TRAPPC8: variants seen among roughly 807,000 people sequenced by gnomAD.
The protein encoded by TRAPPC8 is general sporulation gene 1 homolog.
A neutral mutation model predicts 174.3 loss-of-function variants in TRAPPC8; 54 were observed. The ratio of observed to expected loss-of-function variants is 0.31; its 90% CI spans 0.25 to 0.39. The LOEUF (loss-of-function observed/expected upper bound fraction) is 0.39. TRAPPC8 is among the 10% of genes least tolerant of loss of function. TRAPPC8 has a pLI of 1.00. For synonymous variants in TRAPPC8, 630 were observed against 579.9 expected (o/e 1.09, Z -1.24); for missense variants, 1,531 against 1,699.1 (o/e 0.90, Z 1.74).
At chr18:31,897,617 C>G (rs2036236572) in intron 11 of TRAPPC8, among the ~76,000 whole-genome samples, 169 bp downstream of exon 11, 1 of 151,914 alleles carries the variant, frequency 6.6e-6, no homozygotes, top group Non-Finnish European at 1.5e-5. Flanking sequence ...TAAAAAATTA[C>G]ATTTAAAATT....
chr18:31,843,284 T>G (rs2033205625), intron 26 of TRAPPC8, among the ~76,000 whole-genome samples: 1 of 152,198 alleles, frequency 6.6e-6, no homozygotes, highest in Non-Finnish European at 1.5e-5. Context: ...TTTTTCTTTT[T>G]CGGTTAAAAT....
intron 27 of TRAPPC8, among the ~76,000 whole-genome samples, chr18:31,835,266 G>A (rs745911082): frequency 2.0e-5 from 3 of 152,026 alleles, no homozygotes; most frequent in Non-Finnish European, 4.4e-5. Flanking sequence ...CTGCTGTATC[G>A]GTCAAGCAGA....
intron 2 of TRAPPC8, among the ~76,000 whole-genome samples, chr18:31,918,156 T>C (rs545010702): frequency 1.3e-5 from 2 of 152,114 alleles, no homozygotes; most frequent in Admixed American, 6.5e-5. Flanking sequence ...AAACTGAGTA[T>C]ATATGTACAC....
intron 9 of TRAPPC8, among the ~76,000 whole-genome samples, chr18:31,905,844 G>C (rs1163165790): frequency 1.3e-5 from 2 of 152,038 alleles, no homozygotes; most frequent in Non-Finnish European, 2.9e-5. Flanking sequence ...TGGCTTAAAT[G>C]TAGTTTTTAT....
intron 2 of TRAPPC8, among the ~76,000 whole-genome samples, chr18:31,923,810 C>T (rs1314252094): frequency 1.3e-5 from 2 of 151,568 alleles, no homozygotes; most frequent in African/African-American, 2.4e-5. Flanking sequence ...CCCAGGAGTT[C>T]GAGACCACTC....
chr18:31,855,266 G>A (rs1321000012), intron 21 of TRAPPC8, among the ~76,000 whole-genome samples: 3 of 152,120 alleles, frequency 2.0e-5, no homozygotes, highest in Non-Finnish European at 4.4e-5. Flanking sequence ...CTATATAAAG[G>A]AAATGGCACT....
intron 1 of TRAPPC8, chr18:31,939,671 A>C (rs1457954891): frequency 1.3e-5 from 2 of 152,268 alleles, no homozygotes; most frequent in Non-Finnish European, 2.9e-5. Flanking sequence ...CCTGGGCAAC[A>C]AGGAGAAACC....
At chr18:31,864,003 TTA>T (rs2034461453) in intron 19 of TRAPPC8, among the ~76,000 whole-genome samples, 1 of 147,462 alleles carries the variant, frequency 6.8e-6, no homozygotes, top group Admixed American at 6.8e-5. Context: ...TTATAATACT[TTA>T]TTATAATATG....
intron 2 of TRAPPC8, among the ~76,000 whole-genome samples, chr18:31,928,403 T>C (rs2037715639): frequency 6.6e-6 from 1 of 151,280 alleles, no homozygotes; most frequent in African/African-American, 2.4e-5. Context: ...ACACCTATAG[T>C]CCCACCTACT....
At chr18:31,881,986 C>T (rs2035478268) in intron 12 of TRAPPC8, among the ~76,000 whole-genome samples, 1 of 152,024 alleles carries the variant, frequency 6.6e-6, no homozygotes. Flanking sequence ...GAAAACAGAA[C>T]AGTTATACAC....
intron 2 of TRAPPC8, among the ~76,000 whole-genome samples, chr18:31,928,775 T>C (rs879689180): frequency 6.6e-6 from 1 of 152,156 alleles, no homozygotes; most frequent in Admixed American, 6.6e-5. Flanking sequence ...TCTCTGCATC[T>C]CAATACAAAG....
chr18:31,840,218 G>A (rs1392872542), intron 26 of TRAPPC8, among the ~76,000 whole-genome samples: 3 of 152,022 alleles, frequency 2.0e-5, no homozygotes, highest in Admixed American at 6.6e-5. Context: ...TTAGCCAGGC[G>A]TGGTGGTACA....
At chr18:31,925,481 T>C (rs1368431478) in intron 2 of TRAPPC8, among the ~76,000 whole-genome samples, 1 of 151,650 alleles carries the variant, frequency 6.6e-6, no homozygotes, top group African/African-American at 2.4e-5. Flanking sequence ...AAGACAGAGA[T>C]AGACAATTTT....
rs2032330599 is a variant in TRAPPC8, at chr18:31,831,006, A to T, written c.4074-17T>A. On this transcript the variant is annotated splice_polypyrimidine_tract_variant and intron_variant, in intron 28 of 28. Coordinates refer to ENST00000283351, the MANE Select transcript of TRAPPC8 (RefSeq NM_014939.5). ...GCTTCTGGACTAAGGGAGGAGGAAA[A>T]TGTAAGTTGCAGGATTTTTTTCTTT... The T allele has an allele frequency of 1.3e-6, 2 of 1,580,862 alleles. No individual in the cohort carries two copies. The highest frequency in any genetic ancestry group is 1.8e-5 in the Admixed American group (1 of 54,982).
intron 2 of TRAPPC8, among the ~76,000 whole-genome samples, chr18:31,918,564 C>A (rs975224809): frequency 6.6e-6 from 1 of 152,104 alleles, no homozygotes; most frequent in Admixed American, 6.6e-5. Flanking sequence ...CAAGACAAGA[C>A]AAGACAAGAC....
chr18:31,835,924 A>G (rs1045566708), intron 27 of TRAPPC8, among the ~76,000 whole-genome samples: 1 of 152,170 alleles, frequency 6.6e-6, no homozygotes, highest in Non-Finnish European at 1.5e-5. Context: ...ACTGGGCCCA[A>G]AATATATGTG....
At chr18:31,929,858 TTGC>T (rs1251007189) in intron 2 of TRAPPC8, among the ~76,000 whole-genome samples, 1 of 152,194 alleles carries the variant, frequency 6.6e-6, no homozygotes, top group Non-Finnish European at 1.5e-5. Flanking sequence ...ACCCAAATTT[TTGC>T]TTCATATTGA....
At chr18:31,941,189 TC>T (rs2038323343) in intron 1 of TRAPPC8, among the ~76,000 whole-genome samples, 2 of 152,304 alleles carry the variant, frequency 1.3e-5, no homozygotes, top group South Asian at 4.1e-4. Flanking sequence ...ACGCCCATAA[TC>T]CCCGCACTTT....
At chr18:31,852,739 TCC>T in intron 22 of TRAPPC8, 76 bp from the exon 23 acceptor site, 3 of 1,134,200 alleles carry the variant, frequency 2.6e-6, no homozygotes, top group Non-Finnish European at 3.9e-6. Context: ...TATTTAGACT[TCC>T]TTGGTCAAAA....
Sources: allele counts gnomAD v4.1 joint callset (sites outside exome capture counted in the v4.1 genomes callset), GRCh38; gene constraint gnomAD v4.1.1; transcripts MANE v1.5; gene names NCBI Gene and HGNC (gene_info 2026-07-23, HGNC 2026-07-21).